Variants in LCT observed in about 807,000 individuals in gnomAD.
LCT encodes lactase/phlorizin hydrolase.
In LCT, 90 loss-of-function variants were observed where a neutral mutation model predicts 173.0. The ratio of observed to expected loss-of-function variants is 0.52; its 90% confidence interval spans 0.44 to 0.62. LCT has a LOEUF of 0.62. Among genes scored for constraint, LCT ranks in the 20% least tolerant of loss-of-function variants. The pLI, the probability that LCT is intolerant of heterozygous loss-of-function variation, is 0.00. For synonymous variants in LCT, 853 were observed against 957.6 expected (o/e 0.89, Z 2.02); for missense variants, 1,864 against 2,431.4 (o/e 0.77, Z 4.91).
At position 135,822,217 on chromosome 2, in the gene LCT, C is replaced by T. The variant is rs2077840652; in HGVS notation, c.908-119G>A. On this transcript the variant is annotated intron_variant, in intron 4 of 16. Transcript: ENST00000264162. The stretch of plus-strand genomic sequence containing the variant: ...CCAAACTCCAAGCAGTGGTTCCAAG[C>T]CCCTTTGGAAAATACCATGGGCTAA... 8.2e-6 allele frequency: 6 copies of T among 736,110 alleles called. No individual in the cohort carries two copies. In the East Asian group the frequency reaches 1.5e-4, roughly 19 times the overall value. 45.6% of individuals were successfully genotyped at this position (736,110 alleles called of 1,614,324 possible).
chr2:135,808,432 C>A lies in LCT; in HGVS notation c.3904+11G>T. ...GAAGATTTCTTTAAGGGGAACTGAA[C>A]CCTCACACACCTTTCAAAGCCTCAT... is the stretch of plus-strand genomic sequence containing the variant. On this transcript the variant is annotated intron_variant, in intron 8 of 16. Transcript: ENST00000264162. 6.3e-7 allele frequency: 1 copy of A among 1,598,182 alleles called. No homozygotes were observed. The highest frequency in any genetic ancestry group is 8.6e-7 in the Non-Finnish European group (1 of 1,165,526).
chr2:135,792,211 A>C (rs2077537686), intron 14 of LCT, among the ~76,000 whole-genome samples: 1 of 152,134 alleles, frequency 6.6e-6, no homozygotes, highest in Admixed American at 6.6e-5. Flanking sequence ...AAAGTAGAAG[A>C]AGCAGTGGGA....
At chr2:135,795,731 G>C (rs572043440) in intron 13 of LCT, among the ~76,000 whole-genome samples, 1 of 151,690 alleles carries the variant, frequency 6.6e-6, no homozygotes, top group Non-Finnish European at 1.5e-5. Flanking sequence ...ACTGAACTTT[G>C]TTTTCTTTCT....
At chr2:135,835,615 A>G (rs976165694) in intron 1 of LCT, among the ~76,000 whole-genome samples, 1 of 149,858 alleles carries the variant, frequency 6.7e-6, no homozygotes, top group Non-Finnish European at 1.5e-5. Flanking sequence ...GATTCTCAAA[A>G]TTGGTGTACC....
In LCT at chr2:135,817,648, C is replaced by T. The variant is rs1283609221; in HGVS notation, c.1400G>A (p.Ser467Asn). 6.2e-7 allele frequency: 1 copy of T among 1,613,706 alleles called. No individual in the cohort carries two copies. The highest frequency in any genetic ancestry group is 1.3e-5 in the African/African-American group (1 of 74,942). Residue 467 changes from serine to asparagine, a missense_variant, in exon 6 of 17, where the codon AGC (serine) becomes AAC (asparagine). Transcript: ENST00000264162. ...WSRIFPMGHGSSPSLPGVAYY... is the reference protein window; with the variant it reads ...WSRIFPMGHGNSPSLPGVAYY... ...GGCAACGCCTGGGAGGCTGGGGCTG[C>T]TCCCGTGCCCCATGGGGAAGATCCG...
chr2:135,822,383 G>A, intron 4 of LCT: 1 of 418,496 alleles, frequency 2.4e-6, no homozygotes, highest in Non-Finnish European at 4.4e-6. Flanking sequence ...TGATGCAGTA[G>A]GTCTCAAGTA....
rs2077520471 is a variant in LCT, at chr2:135,789,865, G to A, written c.5336-67C>T. Reference sequence around the variant, plus strand: ...TAAGGCAGCTTCCTGCCAGGCCTTCGGAAGCCAGGTCTGCCTACTGCTCTC... The same window carrying A: ...TAAGGCAGCTTCCTGCCAGGCCTTCAGAAGCCAGGTCTGCCTACTGCTCTC... On this transcript the variant is annotated intron_variant, in intron 15 of 16. Transcript: ENST00000264162. 1.8e-5 allele frequency: 24 copies of A among 1,306,346 alleles called. 1 individual carries two copies. Among genetic ancestry groups the A allele is most frequent in the South Asian group, 4.7e-5 (4 of 84,302 alleles). 80.9% of individuals were successfully genotyped at this position (1,306,346 alleles called of 1,614,324 possible). A position where few individuals can be genotyped will look rare whatever the true frequency, so the allele number is the denominator to read the frequency against.
At chr2:135,788,641 C>G in intron 16 of LCT, 97 bp from the exon 17 acceptor site, 2 of 818,628 alleles carry the variant, frequency 2.4e-6, no homozygotes, top group Non-Finnish European at 4.3e-6. Context: ...ACCCCAAATC[C>G]GCACAGCCAT....
chr2:135,788,020 A>C lies in LCT; in HGVS notation c.*304T>G. 2.5e-6 allele frequency: 1 copy of C among 404,764 alleles called. No individual in the cohort carries two copies. Among genetic ancestry groups the C allele is most frequent in the Admixed American group, 3.9e-5 (1 of 25,602 alleles). The allele number at this position is 404,764 out of a possible 1,614,324, so 25.1% of individuals were successfully genotyped here. On this transcript the variant is annotated 3_prime_UTR_variant, in exon 17 of 17. Coordinates refer to ENST00000264162, the MANE Select transcript of LCT (RefSeq NM_002299.4). Reference sequence around the variant, plus strand: ...CAACCCTTAACAACTCTGAAACTTAAAACAGCCCTGTTAAGTTCAATTAAG... The same window carrying C: ...CAACCCTTAACAACTCTGAAACTTACAACAGCCCTGTTAAGTTCAATTAAG...
At chr2:135,794,521 C>T (rs376344115) in intron 14 of LCT, 120 bp downstream of exon 14, 22 of 1,089,586 alleles carry the variant, frequency 2.0e-5, no homozygotes, top group Middle Eastern at 5.8e-4. Flanking sequence ...TCTTGCAAAC[C>T]CCGGCACATT....
chr2:135,811,125 G>A (rs534416550), intron 7 of LCT, among the ~76,000 whole-genome samples: 1 of 152,108 alleles, frequency 6.6e-6, no homozygotes, highest in East Asian at 1.9e-4. Context: ...AGAATCGCTT[G>A]AGCCCAGGAG....
chr2:135,836,957 G>T lies in LCT; in HGVS notation c.213C>A (p.Phe71Leu). 6 of 1,614,166 alleles carry T rather than the reference G, an allele frequency of 3.7e-6. No individual in the cohort carries two copies. Among genetic ancestry groups the T allele is most frequent in the Non-Finnish European group, 5.1e-6 (6 of 1,180,016 alleles). Residue 71 changes from phenylalanine (F) to leucine (L), a missense_variant, in exon 1 of 17, where the codon TTC becomes TTA. Phe to Leu is a conservative substitution (Grantham distance 22). This residue lies in a region of LCT where 412 missense variants were observed against 462.0 expected (regional missense o/e 0.89). Transcript: ENST00000264162. The part of the protein sequence containing the change: ...MYVCHQPLPT[F>L]LPEYFSSLHA... The stretch of plus-strand genomic sequence containing the variant: ...GGAGACTGCTGAAGTATTCTGGCAG[G>T]AAAGTGGGCAGTGGCTGGTGACAAA...
chr2:135,811,491 G>A (rs2077734053), intron 7 of LCT, among the ~76,000 whole-genome samples: 1 of 152,118 alleles, frequency 6.6e-6, no homozygotes, highest in Admixed American at 6.6e-5. Context: ...TGAGACCGTA[G>A]ATGTGGATCA....
rs772613553 is a variant in LCT at position 135,808,589 on chromosome 2, G to A, written c.3758C>T (p.Thr1253Met). The change falls in exon 8 of 17, where the codon ACG becomes ATG. Residue 1253 changes from threonine (T) to methionine (M), a missense_variant. Physicochemically the swap from Thr to Met is moderately conservative, Grantham distance 81. Coordinates refer to ENST00000264162, the MANE Select transcript of LCT (RefSeq NM_002299.4). The part of the protein sequence containing the change: ...TAMNRAAPWG[T>M]RRLLNWIKEE... ...CTTGATCCAGTTCAGCAGCCTTCGC[G>A]TCCCCCAGGGCGCAGCTCTGTTCAT... The A allele has an allele frequency of 7.4e-6, 12 of 1,614,196 alleles. No individual in the cohort carries two copies. The highest frequency in any genetic ancestry group is 1.6e-4 in the Middle Eastern group (1 of 6,062).
intron 11 of LCT, among the ~76,000 whole-genome samples, chr2:135,803,521 T>A (rs1240108364): frequency 6.6e-6 from 1 of 152,228 alleles, no homozygotes; most frequent in East Asian, 1.9e-4. Context: ...CAGCCTCCTG[T>A]TGGTTTGAGT....
intron 3 of LCT, 106 bp downstream of exon 3, chr2:135,829,487 G>A: frequency 3.5e-6 from 3 of 860,756 alleles, no homozygotes; most frequent in Non-Finnish European, 6.0e-6. Context: ...GGTCTCTGCT[G>A]TTGATGGAAG....
At chr2:135,824,027 G>C in intron 3 of LCT, 24 bp from the exon 4 acceptor site, 1 of 1,452,734 alleles carries the variant, frequency 6.9e-7, no homozygotes, top group Non-Finnish European at 9.7e-7. Context: ...GGACCAGCAA[G>C]TGAACTGAAG....
intron 5 of LCT, chr2:135,820,289 C>T (rs907694614): frequency 2.0e-5 from 3 of 152,210 alleles, no homozygotes; most frequent in African/African-American, 4.8e-5. Flanking sequence ...AGAGAATCTC[C>T]GAGCTGGTGT....
At position 135,826,697 on chromosome 2, in the gene LCT, C is replaced by T. The variant is rs987251770; in HGVS notation, c.805-2694G>A. Among the ~76,000 whole-genome samples the T allele has an allele frequency of 2.0e-5, 3 of 152,190 alleles. No individual in the cohort carries two copies. In the South Asian group the frequency reaches 6.2e-4, roughly 32 times the overall value. ...CACAACAGAGATGGTTTTAAAATGG[C>T]AGCTTTGTCTGAACCCATTAGCCTA... On this transcript the variant is annotated intron_variant, in intron 3 of 16. Transcript: ENST00000264162.
Sources: allele counts gnomAD v4.1 joint callset (sites outside exome capture counted in the v4.1 genomes callset), GRCh38; gene constraint gnomAD v4.1.1; regional missense constraint gnomAD v4.1.1; transcripts MANE v1.5; gene names NCBI Gene and HGNC (gene_info 2026-07-23, HGNC 2026-07-21).